ARAP3: variants seen among roughly 807,000 people sequenced by gnomAD.
ARAP3 encodes arf-GAP with Rho-GAP domain, ANK repeat and PH domain-containing protein 3.
ARAP3 carries 82 observed loss-of-function variants against 169.2 expected under a neutral mutation model. The observed-to-expected ratio is 0.48, with a 90% CI of 0.41 to 0.58. The LOEUF (loss-of-function observed/expected upper bound fraction) is 0.58. ARAP3 is among the 20% of genes least tolerant of loss of function. ARAP3 has a pLI of 0.00. For synonymous variants in ARAP3, 791 were observed against 800.3 expected, an observed-to-expected ratio of 0.99 and a Z score of 0.20; for missense variants, 1,764 against 2,018.0, an observed-to-expected ratio of 0.87 and a Z score of 2.41.
rs758147299 is a variant in ARAP3, at chr5:141,655,642, G to A, written c.4089C>T (p.Leu1363=). The A allele has an allele frequency of 1.2e-6, 2 of 1,614,006 alleles. No homozygotes were observed. The highest frequency in any genetic ancestry group is 2.7e-5 in the African/African-American group (2 of 74,922). The change falls in exon 31 of 33, where the codon CTC becomes CTT. Residue 1363 remains leucine, a synonymous_variant. Coordinates refer to ENST00000239440, the MANE Select transcript of ARAP3 (RefSeq NM_022481.6). The part of the protein sequence containing the change: ...PIRGDDSGAT[L]LSANQTLRRL... Reference sequence around the variant, plus strand: ...TTACCAGGGTCTGATTGGCAGAGAGGAGGGTGGCTCCACTGTCATCCCCAC... The same window carrying A: ...TTACCAGGGTCTGATTGGCAGAGAGAAGGGTGGCTCCACTGTCATCCCCAC...
intron 16 of ARAP3, among the ~76,000 whole-genome samples, chr5:141,667,932 C>T (rs1027783335): frequency 1.3e-5 from 2 of 151,694 alleles, no homozygotes; most frequent in Non-Finnish European, 2.9e-5. Context: ...GTCCCAGCTA[C>T]TCAGGAGGCT....
intron 19 of ARAP3, 125 bp from the exon 20 acceptor site, chr5:141,662,380 T>C: frequency 2.3e-6 from 2 of 855,958 alleles, no homozygotes; most frequent in South Asian, 1.7e-5. Context: ...GAGGAGGAGA[T>C]CTATGCCTCC....
Position 141,665,082 on chromosome 5 carries a change from G to C in ARAP3, c.2640C>G (p.Thr880=), listed in dbSNP as rs761884798. ...GCCGGCCCTCTCCTTGCAGATACAGGGTCCTGAGACCCCAGAGGCCTGAAT... is the reference window on the plus strand; with the variant it reads ...GCCGGCCCTCTCCTTGCAGATACAGCGTCCTGAGACCCCAGAGGCCTGAAT... The part of the protein sequence containing the change: ...EHLVLVETGR[T]LYLQGEGRLD... The change falls in exon 19 of 33, where the codon ACC becomes ACG. Residue 880 remains threonine, a synonymous_variant. Coordinates refer to ENST00000239440, the MANE Select transcript of ARAP3 (RefSeq NM_022481.6). 105 of 1,611,218 alleles carry C rather than the reference G, an allele frequency of 6.5e-5. 5 individuals are homozygous for C. The South Asian group carries it at 1.1e-3, about 17-fold the overall frequency.
chr5:141,681,882 G>A (rs2099913046), intron 1 of ARAP3, among the ~76,000 whole-genome samples: 1 of 152,042 alleles, frequency 6.6e-6, no homozygotes, highest in African/African-American at 2.4e-5. Context: ...CTCAGGGCCC[G>A]GTTTCCCGGT....
At position 141,671,849 on chromosome 5, in the gene ARAP3, A is replaced by T; in HGVS notation, c.1671+46T>A. Reference sequence around the variant, plus strand: ...AGGCTGGCCCAAGGCCTGCTTCTGGACGCTCCCTTCTACGCCTCCCACCTT... The same window carrying T: ...AGGCTGGCCCAAGGCCTGCTTCTGGTCGCTCCCTTCTACGCCTCCCACCTT... On this transcript the variant is annotated intron_variant, in intron 11 of 32. Transcript: ENST00000239440. This position sits in a 1 kb window ranked among gnomAD's most constrained non-coding sequence, Gnocchi z 4.9. 1.9e-6 allele frequency: 3 copies of T among 1,613,590 alleles called. No homozygotes were observed. Among genetic ancestry groups the T allele is most frequent in the Non-Finnish European group, 2.5e-6 (3 of 1,179,638 alleles).
Position 141,655,402 on chromosome 5 carries a change from T to C in ARAP3, c.4111-2A>G. 6.3e-7 allele frequency: 1 copy of C among 1,586,490 alleles called. No individual in the cohort carries two copies. Among genetic ancestry groups the C allele is most frequent in the Non-Finnish European group, 8.6e-7 (1 of 1,166,454 alleles). ...GGTCCTCCGGTTGTGTAGTCGCCGC[T>C]GGACACAGGTGGGGTGGGGACAAGG... On this transcript the variant is annotated splice_acceptor_variant, in intron 31 of 32. Coordinates refer to ENST00000239440, the MANE Select transcript of ARAP3 (RefSeq NM_022481.6). LOFTEE classifies it high-confidence loss of function.
At chr5:141,679,346 T>G (rs940659432) in intron 4 of ARAP3, among the ~76,000 whole-genome samples, 199 bp downstream of exon 4, 1 of 152,100 alleles carries the variant, frequency 6.6e-6, no homozygotes. Context: ...TGACCATTGG[T>G]TTGTCTACTT....
In ARAP3 at chr5:141,679,842, G is replaced by T. The variant is rs1238276683; in HGVS notation, c.525-20C>A. ...GGGGCCCTGAAGGGAAAGGTCTATT[G>T]GTTACTTAAGGAGAGAGGAGGAAGA... On this transcript the variant is annotated intron_variant, in intron 2 of 32. Transcript: ENST00000239440. 1.5e-5 allele frequency: 24 copies of T among 1,611,234 alleles called. No individual in the cohort carries two copies. The highest frequency in any genetic ancestry group is 2.0e-5 in the Non-Finnish European group (24 of 1,179,094).
intron 4 of ARAP3, 128 bp downstream of exon 4, chr5:141,679,417 G>A: frequency 1.1e-6 from 1 of 884,420 alleles, no homozygotes; most frequent in Admixed American, 2.2e-5. Context: ...CTAGGTCTGT[G>A]ATACTCATCC....
At chr5:141,681,184 G>A (rs1257563682) in intron 1 of ARAP3, among the ~76,000 whole-genome samples, 3 of 152,132 alleles carry the variant, frequency 2.0e-5, no homozygotes, top group African/African-American at 4.8e-5. Context: ...GTGGGGTCCC[G>A]GCCCTGGGTG....
chr5:141,661,899 C>G (rs912395911), intron 20 of ARAP3, 110 bp from the exon 21 acceptor site: 59 of 1,475,412 alleles, frequency 4.0e-5, no homozygotes, highest in Middle Eastern at 1.8e-4. Context: ...GTCTCTGCCC[C>G]CTTCCCACCT....
At position 141,662,119 on chromosome 5, in the gene ARAP3, T is replaced by C; in HGVS notation, c.2937A>G (p.Thr979=). Reference sequence around the variant, plus strand: ...CGAGCTCACGAAAGAAGCGTTTGAGTGTGTCAGTGACATCCTCCACAAAGT... The same window carrying C: ...CGAGCTCACGAAAGAAGCGTTTGAGCGTGTCAGTGACATCCTCCACAAAGT... ...GEHFVEDVTD[T]LKRFFRELDD... Residue 979 remains threonine, a synonymous_variant, in exon 20 of 33, where the codon ACA becomes ACG. Transcript: ENST00000239440. 6.2e-7 allele frequency: 1 copy of C among 1,614,130 alleles called. No individual in the cohort carries two copies. The highest frequency in any genetic ancestry group is 1.3e-5 in the African/African-American group (1 of 75,022).
chr5:141,672,580 C>A lies in ARAP3; in HGVS notation c.1357G>T (p.Asp453Tyr). Residue 453 changes from aspartate (D) to tyrosine (Y), a missense_variant, in exon 9 of 33, where the codon GAC (aspartate) becomes TAC (tyrosine). Asp to Tyr is a radical substitution (Grantham distance 160). Coordinates refer to ENST00000239440, the MANE Select transcript of ARAP3 (RefSeq NM_022481.6). This position sits in a 1 kb window ranked among gnomAD's most constrained non-coding sequence, Gnocchi z 4.9. ...AAGCAGCGATGGGGTGTGAGCAGGT[C>A]AAAGCTTCGACTCTTGGTCTCCCGG... ...SVRETKSRSF[D>Y]LLTPHRCFSF... 6.2e-7 allele frequency: 1 copy of A among 1,614,136 alleles called. No individual in the cohort carries two copies. Among genetic ancestry groups the A allele is most frequent in the South Asian group, 1.1e-5 (1 of 91,066 alleles).
intron 23 of ARAP3, among the ~76,000 whole-genome samples, chr5:141,658,884 G>A (rs1216412725): frequency 6.6e-6 from 1 of 152,108 alleles, no homozygotes; most frequent in Non-Finnish European, 1.5e-5. Context: ...CAGATGTGGA[G>A]TCAGACTGCC....
chr5:141,655,850 G>T lies in ARAP3; in HGVS notation c.3972+19C>A. ...AGGGGGACCACAGACCCAGCCCTCA[G>T]CCTTTTCTTTCCCCTCACCTGGGCT... On this transcript the variant is annotated intron_variant, in intron 30 of 32. Coordinates refer to ENST00000239440, the MANE Select transcript of ARAP3 (RefSeq NM_022481.6). 1 of 1,614,076 alleles carries T rather than the reference G, an allele frequency of 6.2e-7. No individual in the cohort carries two copies. Among genetic ancestry groups the T allele is most frequent in the Non-Finnish European group, 8.5e-7 (1 of 1,179,964 alleles).
chr5:141,673,951 CTTTTCTTCTTTTTTTTT>C (rs2099911798), intron 4 of ARAP3, 143 bp from the exon 5 acceptor site: 1 of 573,748 alleles, frequency 1.7e-6, no homozygotes, highest in South Asian at 2.9e-5. Flanking sequence ...TTTTTCTTTT[CTTTTCTTCTTTTTTTTT>C]TTTTTTTTTT....
chr5:141,679,906 C>A, intron 2 of ARAP3, 57 bp downstream of exon 2: 3 of 1,612,256 alleles, frequency 1.9e-6, no homozygotes, highest in Non-Finnish European at 2.5e-6. Flanking sequence ...CCGTCCCCCT[C>A]ATGCTCTCCT....
intron 19 of ARAP3, among the ~76,000 whole-genome samples, chr5:141,663,642 C>T (rs532655082): frequency 2.0e-5 from 3 of 152,298 alleles, no homozygotes; most frequent in East Asian, 1.9e-4. Flanking sequence ...TTTCCTCCTT[C>T]GAACACGAGA....
In ARAP3 at chr5:141,659,353, C is replaced by T. The variant is rs149837831; in HGVS notation, c.3336+55G>A. 1.5e-4 allele frequency: 228 copies of T among 1,541,850 alleles called. No homozygotes were observed. In the East Asian group the frequency reaches 5.1e-3, roughly 35 times the overall value. On this transcript the variant is annotated intron_variant, in intron 23 of 32. Coordinates refer to ENST00000239440, the MANE Select transcript of ARAP3 (RefSeq NM_022481.6). ...CTCAACTGGGCAGAAAGTCAGCTTC[C>T]TGTCCTGATGTCTCCTCCTGCCCCA... is the stretch of plus-strand genomic sequence containing the variant.
Sources: gnomAD v4.1 joint callset for allele counts (sites outside exome capture counted in the v4.1 genomes callset) on GRCh38, gnomAD v4.1.1 for gene constraint, Gnocchi (gnomAD v3.1) non-coding constraint, MANE v1.5 for transcripts, NCBI Gene and HGNC (gene_info 2026-07-23, HGNC 2026-07-21) for gene names.